Variants in RAD17 observed in about 807,000 individuals in gnomAD.
The protein encoded by RAD17 is cell cycle checkpoint protein RAD17.
Under a neutral mutation model 81.5 loss-of-function variants are expected in RAD17, and 31 were observed. That is an observed-to-expected ratio of 0.38 (90% CI 0.29 to 0.51). The LOEUF (loss-of-function observed/expected upper bound fraction) is 0.51. Among genes scored for constraint, RAD17 ranks in the 20% least tolerant of loss-of-function variants. The pLI is 0.88. For missense variants in RAD17, 681 were observed against 781.2 expected, an observed-to-expected ratio of 0.87 and a Z score of 1.53; for synonymous variants, 261 against 266.2, an observed-to-expected ratio of 0.98 and a Z score of 0.19.
chr5:69,384,971 T>G, intron 8 of RAD17, 38 bp downstream of exon 8: 2 of 1,379,406 alleles, frequency 1.4e-6, no homozygotes, highest in South Asian at 2.7e-5. Flanking sequence ...TTTTTTTTTT[T>G]GAAATGGAGT....
chr5:69,407,563 T>G (rs1310236739), intron 17 of RAD17, among the ~76,000 whole-genome samples: 38 of 21,546 alleles, frequency 1.8e-3, no homozygotes, highest in Non-Finnish European at 2.3e-3. Flanking sequence ...TATGTCCAAG[T>G]TTTTTTTTTT....
intron 15 of RAD17, among the ~76,000 whole-genome samples, chr5:69,393,846 C>T (rs1489533156): frequency 6.7e-6 from 1 of 149,688 alleles, no homozygotes; most frequent in African/African-American, 2.5e-5. Context: ...GCTGGGATTA[C>T]AAGCGTGAGC....
intron 6 of RAD17, among the ~76,000 whole-genome samples, chr5:69,378,999 T>C (rs1034253299): frequency 6.6e-6 from 1 of 152,166 alleles, no homozygotes; most frequent in Non-Finnish European, 1.5e-5. Context: ...CCCAGCACTT[T>C]GGGAGGTCGA....
chr5:69,386,002 G>T, intron 8 of RAD17, 41 bp from the exon 9 acceptor site: 1 of 1,432,648 alleles, frequency 7.0e-7, no homozygotes, highest in Non-Finnish European at 9.2e-7. Flanking sequence ...AATTTGCAAT[G>T]GAATAAAACT....
intron 15 of RAD17, among the ~76,000 whole-genome samples, chr5:69,394,392 A>G (rs979242813): frequency 6.6e-6 from 1 of 152,048 alleles, no homozygotes; most frequent in Non-Finnish European, 1.5e-5. Flanking sequence ...TAAAATTAAT[A>G]CATACTCAAA....
At chr5:69,392,277 A>G (rs1371019339) in intron 13 of RAD17, among the ~76,000 whole-genome samples, 4 of 152,184 alleles carry the variant, frequency 2.6e-5, no homozygotes, top group Non-Finnish European at 5.9e-5. Flanking sequence ...TGAAGGTAAG[A>G]GAGCAGATCA....
chr5:69,384,883 C>A lies in RAD17; in HGVS notation c.595C>A (p.Gln199Lys). 1 of 1,608,788 alleles carries A rather than the reference C, an allele frequency of 6.2e-7. No individual in the cohort carries two copies. The highest frequency in any genetic ancestry group is 8.5e-7 in the Non-Finnish European group (1 of 1,176,854). ...AAGAGCGACAAAGTATAACAAGTTA[C>A]AAATGCTTGGAGATGATCTGAGAAC... ...LLRATKYNKL[Q>K]MLGDDLRTDK... The change falls in exon 8 of 19, where the codon CAA (glutamine) becomes AAA (lysine). Residue 199 changes from glutamine to lysine, a missense_variant. Transcript: ENST00000354868.
intron 7 of RAD17, among the ~76,000 whole-genome samples, chr5:69,383,408 G>A (rs962940953): frequency 6.7e-6 from 1 of 148,560 alleles, no homozygotes; most frequent in Non-Finnish European, 1.5e-5. Flanking sequence ...TTTTTGAGAT[G>A]GAGTCTTGCT....
intron 17 of RAD17, among the ~76,000 whole-genome samples, chr5:69,404,357 G>T (rs1765454832): frequency 6.6e-6 from 1 of 152,046 alleles, no homozygotes; most frequent in Non-Finnish European, 1.5e-5. Flanking sequence ...ATCTGATAAG[G>T]GGTTAATAAT....
intron 11 of RAD17, among the ~76,000 whole-genome samples, chr5:69,388,751 C>T (rs1412171173): frequency 3.9e-5 from 6 of 151,964 alleles, no homozygotes; most frequent in Non-Finnish European, 7.4e-5. Context: ...GGACTACAGG[C>T]GCATGCCACC....
rs983395575 is a variant in RAD17 at position 69,384,856 on chromosome 5, C to T, written c.568C>T (p.Leu190=). The T allele has an allele frequency of 2.5e-6, 4 of 1,611,984 alleles. No homozygotes were observed. Among genetic ancestry groups the T allele is most frequent in the Admixed American group, 1.7e-5 (1 of 59,934 alleles). Reference sequence around the variant, plus strand: ...GATAGCAGTTTTCAAAGAGTTTCTACTAAGAGCGACAAAGTATAACAAGTT... The same window carrying T: ...GATAGCAGTTTTCAAAGAGTTTCTATTAAGAGCGACAAAGTATAACAAGTT... The part of the protein sequence containing the change: ...SQIAVFKEFL[L]RATKYNKLQM... Residue 190 remains leucine, a synonymous_variant, in exon 8 of 19, where the codon CTA becomes TTA. Coordinates refer to ENST00000354868, the MANE Select transcript of RAD17 (RefSeq NM_133338.3).
In RAD17 at chr5:69,392,008, G is replaced by A. The variant is rs1336672694; in HGVS notation, c.1184G>A (p.Cys395Tyr). 1.3e-6 allele frequency: 2 copies of A among 1,524,562 alleles called. No homozygotes were observed. The highest frequency in any genetic ancestry group is 1.8e-6 in the Non-Finnish European group (2 of 1,141,974). 94.4% of individuals were successfully genotyped at this position (1,524,562 alleles called of 1,614,324 possible). ...AGAGCTTTGGGGAAAATTCTATATT[G>A]TAAAAGTAAGAAATTTTTACACTTT... The part of the protein sequence containing the change: ...LFRALGKILY[C>Y]KRASLTELDS... Residue 395 changes from cysteine (C) to tyrosine (Y), a missense_variant, in exon 13 of 19, where the codon TGT becomes TAT. Coordinates refer to ENST00000354868, the MANE Select transcript of RAD17 (RefSeq NM_133338.3).
intron 6 of RAD17, among the ~76,000 whole-genome samples, chr5:69,377,572 C>CATAT (rs1315092708): frequency 2.5e-4 from 1 of 3,938 alleles, no homozygotes; most frequent in Non-Finnish European, 6.0e-4. Flanking sequence ...TATATATATG[C>CATAT]ATATATATGT....
intron 17 of RAD17, among the ~76,000 whole-genome samples, chr5:69,403,004 T>C (rs181755798): frequency 6.6e-6 from 1 of 152,196 alleles, no homozygotes; most frequent in South Asian, 2.1e-4. Context: ...TATCCTTTTT[T>C]AATTATTTTT....
intron 6 of RAD17, among the ~76,000 whole-genome samples, chr5:69,375,528 A>AT (rs1469904037): frequency 2.0e-5 from 3 of 152,118 alleles, no homozygotes; most frequent in African/African-American, 4.8e-5. Flanking sequence ...ATAATAAAAA[A>AT]ATATATATAG....
At position 69,396,524 on chromosome 5, in the gene RAD17, A is replaced by G. The variant is rs1764901611; in HGVS notation, c.1550A>G (p.Gln517Arg). ...AGTTTTCGACCCTTGCACAAACCTCAGTGGTTTCTAATAAATAAAAAGGTA... is the reference window on the plus strand; with the variant it reads ...AGTTTTCGACCCTTGCACAAACCTCGGTGGTTTCTAATAAATAAAAAGGTA... ...GSSFRPLHKPQWFLINKKYRE... is the reference protein window; with the variant it reads ...GSSFRPLHKPRWFLINKKYRE... Residue 517 changes from glutamine (Q) to arginine (R), a missense_variant, in exon 16 of 19, where the codon CAG (glutamine) becomes CGG (arginine). Physicochemically the swap from Gln to Arg is conservative, Grantham distance 43. Transcript: ENST00000354868. The G allele has an allele frequency of 1.9e-6, 3 of 1,583,232 alleles. No individual in the cohort carries two copies. The highest frequency in any genetic ancestry group is 2.6e-6 in the Non-Finnish European group (3 of 1,170,120).
Position 69,374,701 on chromosome 5 carries a change from A to T in RAD17, c.341A>T (p.Gln114Leu). 1 of 1,607,962 alleles carries T rather than the reference A, an allele frequency of 6.2e-7. No individual in the cohort carries two copies. Residue 114 changes from glutamine (Q) to leucine (L), a missense_variant, in exon 6 of 19, where the codon CAA becomes CTA. Physicochemically the swap from Gln to Leu is moderately radical, Grantham distance 113. Coordinates refer to ENST00000354868, the MANE Select transcript of RAD17 (RefSeq NM_133338.3). ...TTAAAAGCTCAAGTTTTAGAAAGGC[A>T]ACCAAAACAGGTAACTAAGAAATGT... ...TWLKAQVLER[Q>L]PKQGGSILLI... is the part of the protein sequence containing the mutation.
intron 18 of RAD17, among the ~76,000 whole-genome samples, chr5:69,412,984 CAA>C (rs58817125): frequency 0.014 from 2,004 of 144,894 alleles, 33 homozygotes; most frequent in Non-Finnish European, 0.017. Flanking sequence ...AAGACTGTCT[CAA>C]AAAAAAAAAA....
At position 69,371,473 on chromosome 5, in the gene RAD17, A is replaced by C. The variant is rs1762992926; in HGVS notation, c.-260A>C. The C allele has an allele frequency of 1.8e-6, 1 of 543,878 alleles. No homozygotes were observed. 33.7% of individuals were successfully genotyped at this position (543,878 alleles called of 1,614,324 possible). A position where few individuals can be genotyped will look rare whatever the true frequency, so the allele number is the denominator to read the frequency against. On this transcript the variant is annotated 5_prime_UTR_variant, in exon 3 of 19. Transcript: ENST00000354868. ...CCCCAGGTGAATTATAGTTTAATGT[A>C]CTGCAAGTCCTAAACTACGGATGGG... is the stretch of plus-strand genomic sequence containing the variant.
Sources: gnomAD v4.1 joint callset for allele counts (sites outside exome capture counted in the v4.1 genomes callset) on GRCh38, gnomAD v4.1.1 for gene constraint, MANE v1.5 for transcripts, NCBI Gene and HGNC (gene_info 2026-07-23, HGNC 2026-07-21) for gene names.